The following DCTN1 variants were observed in gnomAD, a reference collection of about 807,000 sequenced individuals.
DCTN1 encodes the protein dynactin subunit 1.
Under a neutral mutation model 161.2 loss-of-function variants are expected in DCTN1, and 61 were observed. The ratio of observed to expected loss-of-function variants is 0.38; its 90% CI spans 0.31 to 0.47. The LOEUF (loss-of-function observed/expected upper bound fraction) is 0.47. Ranked by LOEUF, DCTN1 falls within the 20% of genes least tolerant of loss-of-function variation. The probability of loss-of-function intolerance (pLI) is 0.99; values close to 1 mark genes in which losing one functional copy is unlikely to be tolerated. For synonymous variants in DCTN1, 653 were observed against 632.4 expected, an observed-to-expected ratio of 1.03 and a Z score of -0.49; for missense variants, 1,404 against 1,623.7, an observed-to-expected ratio of 0.86 and a Z score of 2.33.
intron 4 of DCTN1, 72 bp from the exon 5 acceptor site, chr2:74,376,834 G>T: frequency 2.1e-6 from 3 of 1,435,852 alleles, no homozygotes; most frequent in Non-Finnish European, 1.9e-6. Context: ...ACCAACTCGG[G>T]CTTACACAGG....
upstream of DCTN1, among the ~76,000 whole-genome samples, chr2:74,384,713 C>T (rs1174400653): frequency 6.6e-6 from 1 of 152,188 alleles, no homozygotes; most frequent in Non-Finnish European, 1.5e-5. Context: ...ACTGGCACCC[C>T]AGCATCCTTT....
rs371723224 is a variant in DCTN1 at position 74,371,149 on chromosome 2, G to A, written c.673C>T (p.Arg225Trp). The A allele has an allele frequency of 5.0e-5, 80 of 1,613,724 alleles. No homozygotes were observed. The highest frequency in any genetic ancestry group is 4.8e-5 in the Non-Finnish European group (57 of 1,180,034). Residue 225 changes from arginine to tryptophan, a missense_variant, in exon 9 of 32, where the codon CGG becomes TGG. Arg to Trp is a moderately radical substitution (Grantham distance 101). This residue lies in a region of DCTN1 where 67 missense variants were observed against 116.3 expected (regional missense o/e 0.58). Transcript: ENST00000628224. Reference sequence around the variant, plus strand: ...GTCTCTAGTTTCTCCTCCAGGTCCCGCACCTGAGCCCTTAGTCCCTCCTCC... The same window carrying A: ...GTCTCTAGTTTCTCCTCCAGGTCCCACACCTGAGCCCTTAGTCCCTCCTCC... ...KEEEGLRAQV[R>W]DLEEKLETLR... is the part of the protein sequence containing the mutation.
rs1675292367 is a variant in DCTN1 at position 74,377,481 on chromosome 2, CAG to C, written c.359-17_359-16del. The stretch of plus-strand genomic sequence containing the variant: ...ATCAGTTCCCTCTGTAGAAAGCAAA[CAG>C]AAACAAAGTGTGTACTTGTATAGAG... On this transcript the variant is annotated splice_polypyrimidine_tract_variant and intron_variant, in intron 3 of 31. Transcript: ENST00000628224. 1 of 1,611,964 alleles carries C rather than the reference CAG, an allele frequency of 6.2e-7. No individual in the cohort carries two copies. The highest frequency in any genetic ancestry group is 1.3e-5 in the African/African-American group (1 of 74,798).
At position 74,368,224 on chromosome 2, in the gene DCTN1, G is replaced by A. The variant is rs1323910314; in HGVS notation, c.1855-93C>T. On this transcript the variant is annotated intron_variant, in intron 16 of 31. Transcript: ENST00000628224. ...AGTACTCAGAGCTTAACTATGTGGGGAGCATGGACACACATGGGAGAGAAA... is the reference window on the plus strand; with the variant it reads ...AGTACTCAGAGCTTAACTATGTGGGAAGCATGGACACACATGGGAGAGAAA... 8.7e-6 allele frequency: 13 copies of A among 1,487,742 alleles called. No homozygotes were observed. In the East Asian group the frequency reaches 9.9e-5, roughly 11 times the overall value. 92.2% of individuals were successfully genotyped at this position (1,487,742 alleles called of 1,614,324 possible). A position where few individuals can be genotyped will look rare whatever the true frequency, so the allele number is the denominator to read the frequency against.
chr2:74,367,614 A>C, intron 18 of DCTN1, 82 bp downstream of exon 18: 1 of 1,600,198 alleles, frequency 6.2e-7, no homozygotes, highest in Non-Finnish European at 8.5e-7. Flanking sequence ...TGGGACATAC[A>C]ACCTTGAATA....
intron 4 of DCTN1, 99 bp from the exon 5 acceptor site, chr2:74,376,861 G>A: frequency 5.5e-6 from 6 of 1,087,746 alleles, no homozygotes; most frequent in East Asian, 2.6e-5. Flanking sequence ...GCGGGTAGGG[G>A]GGAGTCAGGG....
Position 74,368,882 on chromosome 2 carries a change from T to C in DCTN1, c.1702-2A>G. ...CTGCCTCAATTCCATCTCAATTGCC[T>C]GTGAGGTGAACAGGGAGGAGGACTC... On this transcript the variant is annotated splice_acceptor_variant, in intron 15 of 31. Transcript: ENST00000628224. LOFTEE classifies it high-confidence loss of function. 1 of 1,614,266 alleles carries C rather than the reference T, an allele frequency of 6.2e-7. No individual in the cohort carries two copies. Among genetic ancestry groups the C allele is most frequent in the Non-Finnish European group, 8.5e-7 (1 of 1,180,036 alleles).
chr2:74,378,346 A>G, intron 1 of DCTN1, 101 bp from the exon 2 acceptor site: 3 of 1,465,064 alleles, frequency 2.0e-6, no homozygotes, highest in Non-Finnish European at 2.8e-6. Context: ...ACTGAAAAAC[A>G]ACCAGAGTCA....
At chr2:74,372,100 T>C (rs1674904422) in intron 7 of DCTN1, 1 of 308,150 alleles carries the variant, frequency 3.2e-6, no homozygotes, top group Non-Finnish European at 6.3e-6. Flanking sequence ...GACCCACTTG[T>C]GATCATTCTA....
chr2:74,373,839 C>T (rs1177462359), intron 6 of DCTN1, among the ~76,000 whole-genome samples: 1 of 152,220 alleles, frequency 6.6e-6, no homozygotes, highest in Non-Finnish European at 1.5e-5. Context: ...GCTAAGCTTC[C>T]ACAGCTGTGG....
In DCTN1 at chr2:74,365,165, G is replaced by C; in HGVS notation, c.3106C>G (p.Arg1036Gly). The C allele has an allele frequency of 1.2e-6, 2 of 1,614,174 alleles. No homozygotes were observed. The highest frequency in any genetic ancestry group is 1.7e-6 in the Non-Finnish European group (2 of 1,180,026). Residue 1036 changes from arginine to glycine, a missense_variant, in exon 26 of 32, where the codon CGT (arginine) becomes GGT (glycine). Around this residue, in one of 9 missense-constraint regions of DCTN1, gnomAD observed 23 missense variants for 48.5 expected, o/e 0.47. Transcript: ENST00000628224. ...GTGCGTTTGGACTGGCTGTTCAGAC[G>C]CTGCTTTAGTTCTGCCTTCTCTGCC... ...LEAEKAELKQ[R>G]LNSQSKRTIE... is the part of the protein sequence containing the mutation.
chr2:74,369,228 C>G lies in DCTN1; in HGVS notation c.1585-14G>C, dbSNP rs912937423. On this transcript the variant is annotated splice_polypyrimidine_tract_variant and intron_variant, in intron 14 of 31. Coordinates refer to ENST00000628224, the MANE Select transcript of DCTN1 (RefSeq NM_004082.5). The surrounding 1 kb of genome is among the most constrained non-coding windows in gnomAD (Gnocchi z 4.9). ...CCGATTCACATCCTAGGAGGAGAGA[C>G]AGTGAAGCACAGCTGGGTCATAAGG... is the stretch of plus-strand genomic sequence containing the variant. 29 of 1,614,062 alleles carry G rather than the reference C, an allele frequency of 1.8e-5. No homozygotes were observed. Among genetic ancestry groups the G allele is most frequent in the Non-Finnish European group, 2.5e-5 (29 of 1,180,036 alleles).
chr2:74,367,408 T>A lies in DCTN1; in HGVS notation c.2197A>T (p.Ile733Phe). ...AIKYYQHLYS[I>F]HLAEQPEDCT... ...TCCTCAGGCTGTTCGGCAAGGTGGA[T>A]GCTGTACAGATGCTGAGGAGAGATA... The change falls in exon 19 of 32, where the codon ATC (isoleucine) becomes TTC (phenylalanine). Residue 733 changes from isoleucine (I) to phenylalanine (F), a missense_variant. Physicochemically the swap from Ile to Phe is conservative, Grantham distance 21. Around this residue, in one of 9 missense-constraint regions of DCTN1, gnomAD observed 475 missense variants for 489.8 expected, o/e 0.97. Coordinates refer to ENST00000628224, the MANE Select transcript of DCTN1 (RefSeq NM_004082.5). The A allele has an allele frequency of 6.2e-7, 1 of 1,614,128 alleles. No individual in the cohort carries two copies. Among genetic ancestry groups the A allele is most frequent in the Non-Finnish European group, 8.5e-7 (1 of 1,180,018 alleles).
Position 74,367,728 on chromosome 2 carries a change from C to G in DCTN1, c.2152G>C (p.Glu718Gln), listed in dbSNP as rs1482617206. 1 of 1,614,058 alleles carries G rather than the reference C, an allele frequency of 6.2e-7. No homozygotes were observed. Among genetic ancestry groups the G allele is most frequent in the Non-Finnish European group, 8.5e-7 (1 of 1,180,040 alleles). The change falls in exon 18 of 32, where the codon GAG becomes CAG. Residue 718 changes from glutamate (E) to glutamine (Q), a missense_variant. Glu to Gln is a conservative substitution (Grantham distance 29). Around this residue, in one of 9 missense-constraint regions of DCTN1, gnomAD observed 475 missense variants for 489.8 expected, o/e 0.97. Transcript: ENST00000628224. ...TACTTGATGGCCTTGGTGAGAGGCT[C>G]CACATTGACAGTCTCATCCAGCTGA... ...KDQLDETVNV[E>Q]PLTKAIKYYQ...
intron 19 of DCTN1, 62 bp from the exon 20 acceptor site, chr2:74,367,169 T>A (rs1674482442): frequency 6.2e-7 from 1 of 1,601,034 alleles, no homozygotes; most frequent in Non-Finnish European, 8.5e-7. Context: ...CTTATCAACA[T>A]CTCTAAGAAG....
chr2:74,377,936 C>A, intron 2 of DCTN1, 64 bp downstream of exon 2: 1 of 1,606,910 alleles, frequency 6.2e-7, no homozygotes, highest in Non-Finnish European at 8.5e-7. Flanking sequence ...AGTACCAACA[C>A]ATCAGCTGCA....
intron 18 of DCTN1, 74 bp downstream of exon 18, chr2:74,367,622 A>T: frequency 6.2e-7 from 1 of 1,605,048 alleles, no homozygotes; most frequent in Non-Finnish European, 8.5e-7. Context: ...ACAACCTTGA[A>T]TATATTAGTA....
chr2:74,386,705 T>C (rs1675749365), intron 1 of DCTN1: 1 of 152,240 alleles, frequency 6.6e-6, no homozygotes, highest in South Asian at 2.1e-4. Flanking sequence ...AGGTAAGAAT[T>C]TCTTTGAAAA....
chr2:74,374,712 C>T (rs919020152), intron 5 of DCTN1: 9 of 1,187,358 alleles, frequency 7.6e-6, no homozygotes, highest in Non-Finnish European at 7.4e-6. Context: ...CCACCCTCCT[C>T]TGCTCCATGG....
Sources: gnomAD v4.1 joint callset for allele counts (sites outside exome capture counted in the v4.1 genomes callset) on GRCh38, gnomAD v4.1.1 for gene constraint, gnomAD v4.1.1 regional missense constraint, Gnocchi (gnomAD v3.1) non-coding constraint, MANE v1.5 for transcripts, NCBI Gene and HGNC (gene_info 2026-07-23, HGNC 2026-07-21) for gene names.